SYT9: variants seen among roughly 807,000 people sequenced by gnomAD.
SYT9 encodes the protein synaptotagmin 9, also known as synaptotagmin-9.
In SYT9, 22 loss-of-function variants were observed where a neutral mutation model predicts 48.4. That is an observed-to-expected ratio of 0.45 (90% CI 0.32 to 0.65). SYT9 has a LOEUF of 0.65. SYT9 is among the 30% of genes least tolerant of loss of function. The pLI is 0.03. For synonymous variants in SYT9, 265 were observed against 245.0 expected (o/e 1.08, Z -0.76); for missense variants, 577 against 622.0 (o/e 0.93, Z 0.77).
chr11:7,241,232 A>ACACACG (rs1316355364), intron 1 of SYT9, among the ~76,000 whole-genome samples: 3 of 147,706 alleles, frequency 2.0e-5, no homozygotes, highest in African/African-American at 7.9e-5. Flanking sequence ...ACACACACAC[A>ACACACG]CACACGCACA....
intron 1 of SYT9, among the ~76,000 whole-genome samples, chr11:7,288,942 G>A (rs1848648842): frequency 6.6e-6 from 1 of 152,212 alleles, no homozygotes; most frequent in African/African-American, 2.4e-5. Flanking sequence ...GCTTTTTATA[G>A]AGAGTGTCTC....
At chr11:7,433,217 C>T (rs1182673692) in intron 6 of SYT9, among the ~76,000 whole-genome samples, 1 of 152,142 alleles carries the variant, frequency 6.6e-6, no homozygotes, top group Non-Finnish European at 1.5e-5. Context: ...CCCCAGAAGC[C>T]AAGCAGATGT....
At chr11:7,280,381 T>C (rs1301195076) in intron 1 of SYT9, among the ~76,000 whole-genome samples, 1 of 152,248 alleles carries the variant, frequency 6.6e-6, no homozygotes, top group Non-Finnish European at 1.5e-5. Flanking sequence ...ATGTCAGAAC[T>C]TCACTTATTC....
At chr11:7,454,810 T>C (rs1307615030) in intron 6 of SYT9, among the ~76,000 whole-genome samples, 2 of 152,140 alleles carry the variant, frequency 1.3e-5, no homozygotes, top group Non-Finnish European at 2.9e-5. Context: ...TGAGGAGATG[T>C]GTGAAGCTAA....
intron 6 of SYT9, chr11:7,428,006 G>A (rs933696364): frequency 2.6e-5 from 4 of 152,188 alleles, no homozygotes; most frequent in African/African-American, 7.2e-5. Flanking sequence ...GGGCCATTCA[G>A]ACCTTCCCAA....
chr11:7,303,477 C>T, intron 2 of SYT9, 87 bp downstream of exon 2: 1 of 1,164,510 alleles, frequency 8.6e-7, no homozygotes, highest in Non-Finnish European at 1.2e-6. Context: ...GGTCAAGGAG[C>T]CTGTAACCTT....
At chr11:7,329,054 G>T (rs2133974964) in intron 3 of SYT9, among the ~76,000 whole-genome samples, 1 of 152,140 alleles carries the variant, frequency 6.6e-6, no homozygotes, top group Admixed American at 6.5e-5. Flanking sequence ...ATCTTTCTTA[G>T]GATTCATAGG....
At chr11:7,362,513 A>G (rs1850160592) in intron 3 of SYT9, among the ~76,000 whole-genome samples, 1 of 152,162 alleles carries the variant, frequency 6.6e-6, no homozygotes, top group Non-Finnish European at 1.5e-5. Flanking sequence ...TAGAAAAATG[A>G]ATATTTTTAA....
intron 3 of SYT9, among the ~76,000 whole-genome samples, chr11:7,365,763 T>C (rs1850228878): frequency 1.3e-5 from 2 of 152,374 alleles, no homozygotes; most frequent in East Asian, 1.9e-4. Context: ...TTGCTGTAGT[T>C]ATTGTTTTAG....
At chr11:7,358,128 A>C (rs894448782) in intron 3 of SYT9, among the ~76,000 whole-genome samples, 1 of 146,834 alleles carries the variant, frequency 6.8e-6, no homozygotes, top group African/African-American at 2.6e-5. Context: ...GCGAAGACGA[A>C]AATGGTATAG....
intron 1 of SYT9, among the ~76,000 whole-genome samples, chr11:7,245,930 A>G (rs1847786227): frequency 6.6e-6 from 1 of 151,918 alleles, no homozygotes; most frequent in Non-Finnish European, 1.5e-5. Context: ...CCGAGGAACC[A>G]GCATTTTCAT....
At chr11:7,341,787 C>T (rs950790423) in intron 3 of SYT9, among the ~76,000 whole-genome samples, 1 of 152,002 alleles carries the variant, frequency 6.6e-6, no homozygotes, top group African/African-American at 2.4e-5. Context: ...GTCATATTTG[C>T]AAGAAGCAGT....
intron 5 of SYT9, among the ~76,000 whole-genome samples, chr11:7,418,728 C>T (rs1034139574): frequency 6.6e-6 from 1 of 152,140 alleles, no homozygotes; most frequent in African/African-American, 2.4e-5. Flanking sequence ...TAATACAGCA[C>T]AGAAGAGATA....
At chr11:7,247,013 G>T (rs1202240078), upstream of SYT9, among the ~76,000 whole-genome samples, 1 of 152,196 alleles carries the variant, frequency 6.6e-6, no homozygotes, top group Non-Finnish European at 1.5e-5. Context: ...TCTAGTGAGG[G>T]CTTTCTTCCT....
intron 3 of SYT9, among the ~76,000 whole-genome samples, chr11:7,397,581 A>T (rs934696838): frequency 6.6e-6 from 1 of 152,148 alleles, no homozygotes; most frequent in Non-Finnish European, 1.5e-5. Flanking sequence ...TTTGATTGGA[A>T]TGGCACTAAA....
intron 3 of SYT9, among the ~76,000 whole-genome samples, chr11:7,314,759 C>A (rs1303355756): frequency 1.3e-5 from 2 of 152,206 alleles, no homozygotes; most frequent in Non-Finnish European, 2.9e-5. Context: ...TTTCACCTGT[C>A]CAAATTCCCT....
chr11:7,446,058 C>G (rs1847923045), intron 6 of SYT9, among the ~76,000 whole-genome samples: 2 of 152,246 alleles, frequency 1.3e-5, no homozygotes, highest in Admixed American at 1.3e-4. Flanking sequence ...GTGGGAGCCC[C>G]AAGCTGGGAA....
rs188377148 is a variant in SYT9 at position 7,329,990 on chromosome 11, T to C, written c.1044+16049T>C. 7.2e-4 allele frequency among the ~76,000 whole-genome samples: 109 copies of C among 152,264 alleles called. 1 individual carries two copies. In the South Asian group the frequency reaches 0.013, roughly 19 times the overall value. ...ATAGCGATATTTTTCTCTATAAAAA[T>C]CTATCCTTGTTTTCCTTATTTTGGG... is the stretch of plus-strand genomic sequence containing the variant. On this transcript the variant is annotated intron_variant, in intron 3 of 6. Coordinates refer to ENST00000318881, the MANE Select transcript of SYT9 (RefSeq NM_175733.4).
At chr11:7,447,922 A>G (rs961635882) in intron 6 of SYT9, among the ~76,000 whole-genome samples, 1 of 152,162 alleles carries the variant, frequency 6.6e-6, no homozygotes, top group Non-Finnish European at 1.5e-5. Flanking sequence ...GAAGTGTGCA[A>G]ATTCCTTCCT....
Sources: allele counts gnomAD v4.1 joint callset (sites outside exome capture counted in the v4.1 genomes callset), GRCh38; gene constraint gnomAD v4.1.1; transcripts MANE v1.5; gene names NCBI Gene and HGNC (gene_info 2026-07-23, HGNC 2026-07-21).